Variants in LOC128125822 observed in about 807,000 individuals in gnomAD.
At chr6:63,579,583 G>T in the LOC128125822 span, among the ~76,000 whole-genome samples, 1 of 152,046 alleles carries the variant, frequency 6.6e-6, no homozygotes, top group Non-Finnish European at 1.5e-5. Context: ...TGGTTATTTT[G>T]TATTTTTATT....
At chr6:63,581,868 G>A in the LOC128125822 span, 1 of 152,214 alleles carries the variant, frequency 6.6e-6, no homozygotes, top group Admixed American at 6.5e-5. Flanking sequence ...GTACATGAAG[G>A]CTTAATGTTA....
chr6:63,580,301 A>C, the LOC128125822 span: 1 of 756,428 alleles, frequency 1.3e-6, no homozygotes, highest in East Asian at 2.5e-5. Context: ...AGGCAGTTTT[A>C]CCAGGCCTCA....
chr6:63,573,568 T>A, the LOC128125822 span: 2 of 152,204 alleles, frequency 1.3e-5, no homozygotes, highest in Non-Finnish European at 2.9e-5. Context: ...CTCTGGGGCA[T>A]TCCGCGAGCT....
the LOC128125822 span, chr6:63,578,397 G>T: frequency 6.3e-7 from 1 of 1,584,914 alleles, no homozygotes; most frequent in South Asian, 1.1e-5. Flanking sequence ...ATAGTGATGT[G>T]GTTAAACATT....
the LOC128125822 span, among the ~76,000 whole-genome samples, chr6:63,572,929 G>T: frequency 6.6e-6 from 1 of 152,170 alleles, no homozygotes; most frequent in African/African-American, 2.4e-5. Context: ...GCCCCTCGGG[G>T]CTGCGGGGTG....
the LOC128125822 span, among the ~76,000 whole-genome samples, chr6:63,577,148 G>A: frequency 6.6e-6 from 1 of 152,172 alleles, no homozygotes; most frequent in Non-Finnish European, 1.5e-5. Context: ...AGGTATATTT[G>A]TACATTTTGA....
At chr6:63,572,647 C>T in the LOC128125822 span, 2 of 414,220 alleles carry the variant, frequency 4.8e-6, no homozygotes, top group African/African-American at 2.0e-5. Flanking sequence ...GCCACCGCCA[C>T]CGCCTGTGTC....
the LOC128125822 span, chr6:63,579,361 C>T: frequency 1.3e-6 from 2 of 1,508,176 alleles, no homozygotes; most frequent in Non-Finnish European, 1.8e-6. Context: ...TTCATTTGTA[C>T]TCTCTTTCAT....
the LOC128125822 span, among the ~76,000 whole-genome samples, chr6:63,579,733 T>A: frequency 6.6e-6 from 1 of 152,204 alleles, no homozygotes; most frequent in African/African-American, 2.4e-5. Flanking sequence ...CCTTTGTGGC[T>A]TTTGTAGTCA....
chr6:63,572,896 G>A, the LOC128125822 span, among the ~76,000 whole-genome samples: 1 of 152,096 alleles, frequency 6.6e-6, no homozygotes, highest in African/African-American at 2.4e-5. Flanking sequence ...GATTGCGGCC[G>A]GCTGTGCGGA....
chr6:63,576,409 C>G, the LOC128125822 span: 1 of 399,600 alleles, frequency 2.5e-6, no homozygotes, highest in Non-Finnish European at 4.4e-6. Context: ...AACTTATTCT[C>G]TCTTTCTGTC....
At chr6:63,574,108 TACTC>T in the LOC128125822 span, among the ~76,000 whole-genome samples, 186 of 152,286 alleles carry the variant, frequency 1.2e-3, no homozygotes, top group African/African-American at 1.9e-3. Context: ...TGCTTCCTGT[TACTC>T]AGTCAGTTGA....
At chr6:63,580,091 C>T in the LOC128125822 span, 5,888 of 1,609,758 alleles carry the variant, frequency 3.7e-3, 183 homozygotes, top group African/African-American at 0.068. Flanking sequence ...CAAGCAACTT[C>T]TGTATTTGGA....
the LOC128125822 span, chr6:63,580,327 G>T: frequency 5.2e-5 from 33 of 636,572 alleles, no homozygotes; most frequent in Admixed American, 1.3e-4. Flanking sequence ...GACAGATTTG[G>T]CAACCTCTGT....
chr6:63,572,597 C>T, the LOC128125822 span: 1 of 418,982 alleles, frequency 2.4e-6, no homozygotes, highest in South Asian at 1.1e-4. Context: ...ATCGCCGCCA[C>T]CGCCGCTCCG....
the LOC128125822 span, among the ~76,000 whole-genome samples, chr6:63,579,610 AC>A: frequency 1.3e-5 from 2 of 152,254 alleles, no homozygotes; most frequent in African/African-American, 2.4e-5. Flanking sequence ...TAATTAAGAT[AC>A]ATTTAAAGAT....
At chr6:63,574,689 AAAAG>A in the LOC128125822 span, among the ~76,000 whole-genome samples, 1 of 152,236 alleles carries the variant, frequency 6.6e-6, no homozygotes, top group African/African-American at 2.4e-5. Flanking sequence ...TTAATTGAAA[AAAAG>A]GTAATACCTA....
the LOC128125822 span, chr6:63,583,026 T>G: frequency 6.6e-6 from 1 of 152,178 alleles, no homozygotes; most frequent in African/African-American, 2.4e-5. Context: ...TATCTACTGT[T>G]TGCCAGGCAT....
chr6:63,581,917 G>A, the LOC128125822 span: 5 of 152,172 alleles, frequency 3.3e-5, no homozygotes, highest in East Asian at 1.9e-4. Flanking sequence ...CTTTGATCAC[G>A]TTAATCTAAA....
Sources: gnomAD v4.1 joint callset for allele counts (sites outside exome capture counted in the v4.1 genomes callset) on GRCh38, gnomAD v4.1.1 for gene constraint, MANE v1.5 for transcripts.